Variants in NDUFAF5 observed in about 807,000 individuals in gnomAD.
The protein encoded by NDUFAF5 is NADH:ubiquinone oxidoreductase complex assembly factor 5, also known as arginine-hydroxylase NDUFAF5, mitochondrial.
A neutral mutation model predicts 48.9 loss-of-function variants in NDUFAF5; 34 were observed. That is an observed-to-expected ratio of 0.70 (90% CI 0.53 to 0.93). The LOEUF is 0.93. Ranked by LOEUF, NDUFAF5 falls within the 40% of genes least tolerant of loss-of-function variation. The pLI is 0.00. For synonymous variants in NDUFAF5, 153 were observed against 150.6 expected (o/e 1.02, Z -0.12); for missense variants, 428 against 427.5 (o/e 1.00, Z -0.01).
chr20:13,806,009 A>G lies in NDUFAF5; in HGVS notation c.718-2833A>G, dbSNP rs146537802. Among the ~76,000 whole-genome samples, 21 of 152,336 alleles carry G rather than the reference A, an allele frequency of 1.4e-4. No homozygotes were observed. The East Asian group carries it at 3.5e-3, about 25-fold the overall frequency. ...AAAGCTTTTGTATAATCAGCTATAC[A>G]GGTTTATGTTGCATACATTAGATAT... On this transcript the variant is annotated intron_variant, in intron 7 of 10. Transcript: ENST00000378106.
chr20:13,787,262 G>C, intron 1 of NDUFAF5, 50 bp from the exon 2 acceptor site: 3 of 1,592,492 alleles, frequency 1.9e-6, no homozygotes, highest in Non-Finnish European at 2.6e-6. Flanking sequence ...TTGAATACTG[G>C]AAAAAGAGTG....
intron 9 of NDUFAF5, 162 bp from the exon 10 acceptor site, chr20:13,816,713 C>G: frequency 1.3e-6 from 1 of 760,996 alleles, no homozygotes; most frequent in Non-Finnish European, 2.3e-6. Context: ...ACAGCCTTTA[C>G]TATTTCCTTA....
Position 13,821,550 on chromosome 20 carries a change from G to C in NDUFAF5, c.*4340G>C, listed in dbSNP as rs1442708914. 1 of 152,178 alleles carries C rather than the reference G, an allele frequency of 6.6e-6. No individual in the cohort carries two copies. The highest frequency in any genetic ancestry group is 2.4e-5 in the African/African-American group (1 of 41,434). 9.4% of individuals were successfully genotyped at this position (152,178 alleles called of 1,614,324 possible). ...GCCACTCTCAAATATCTTATCTACA[G>C]AAACTGAGATGATAAATGTTTGTGG... is the stretch of plus-strand genomic sequence containing the variant. On this transcript the variant is annotated 3_prime_UTR_variant, in exon 11 of 11. Coordinates refer to ENST00000378106, the MANE Select transcript of NDUFAF5 (RefSeq NM_024120.5).
intron 9 of NDUFAF5, 123 bp downstream of exon 9, chr20:13,816,669 C>G: frequency 1.2e-6 from 1 of 837,848 alleles, no homozygotes. Flanking sequence ...TCTTGTCCTT[C>G]CTCTCAAAAC....
At chr20:13,816,164 G>A (rs1029201151) in intron 8 of NDUFAF5, 6 of 436,452 alleles carry the variant, frequency 1.4e-5, no homozygotes, top group Non-Finnish European at 2.6e-5. Context: ...TGGGGTGGCA[G>A]TCACCTGGCT....
At chr20:13,790,118 G>A (rs1982032841) in intron 3 of NDUFAF5, among the ~76,000 whole-genome samples, 1 of 152,106 alleles carries the variant, frequency 6.6e-6, no homozygotes, top group African/African-American at 2.4e-5. Flanking sequence ...AGATTAATCT[G>A]GGGATGGCAT....
At chr20:13,793,315 G>A (rs1982627196) in intron 4 of NDUFAF5, 88 bp downstream of exon 4, 2 of 1,208,014 alleles carry the variant, frequency 1.7e-6, no homozygotes, top group East Asian at 2.4e-5. Context: ...CTTCAAACTA[G>A]CTTTCTTTTC....
At position 13,818,187 on chromosome 20, in the gene NDUFAF5, G is replaced by T. The variant is rs1236355972; in HGVS notation, c.*977G>T. On this transcript the variant is annotated 3_prime_UTR_variant, in exon 11 of 11. Transcript: ENST00000378106. ...CAAGCTGTCCATGGGTGGGGGCTGTGTGTTAGCCTGTACGTAGCACATGGG... is the reference window on the plus strand; with the variant it reads ...CAAGCTGTCCATGGGTGGGGGCTGTTTGTTAGCCTGTACGTAGCACATGGG... 1 of 454,080 alleles carries T rather than the reference G, an allele frequency of 2.2e-6. No homozygotes were observed. Among genetic ancestry groups the T allele is most frequent in the Admixed American group, 2.3e-5 (1 of 42,578 alleles). The allele number at this position is 454,080 out of a possible 1,614,324, so 28.1% of individuals were successfully genotyped here.
At chr20:13,796,454 T>C (rs1983232002) in intron 5 of NDUFAF5, among the ~76,000 whole-genome samples, 1 of 152,196 alleles carries the variant, frequency 6.6e-6, no homozygotes, top group Non-Finnish European at 1.5e-5. Context: ...TGATAGAGTT[T>C]ATAGTATGAG....
chr20:13,795,543 G>T (rs1983065642), intron 5 of NDUFAF5, among the ~76,000 whole-genome samples: 1 of 152,160 alleles, frequency 6.6e-6, no homozygotes, highest in Non-Finnish European at 1.5e-5. Context: ...TTCTGGCCAG[G>T]TACAGTGGCT....
intron 1 of NDUFAF5, among the ~76,000 whole-genome samples, chr20:13,786,825 C>G (rs531557982): frequency 1.3e-5 from 2 of 152,144 alleles, no homozygotes; most frequent in Admixed American, 6.5e-5. Context: ...TTCTAACTTG[C>G]GAATGTCACT....
chr20:13,799,660 T>C (rs1003219468), intron 6 of NDUFAF5, among the ~76,000 whole-genome samples: 2 of 150,410 alleles, frequency 1.3e-5, no homozygotes, highest in Non-Finnish European at 3.0e-5. Flanking sequence ...GATCACGCCA[T>C]TGCACTCCAG....
rs1458131461 is a variant in NDUFAF5 at position 13,817,843 on chromosome 20, A to G, written c.*633A>G. On this transcript the variant is annotated 3_prime_UTR_variant, in exon 11 of 11. Transcript: ENST00000378106. ...TTGTTAAGCTTTCCTTTGTAATTTCAGGGCTTAAGCACTATTATCCTAATC... is the reference window on the plus strand; with the variant it reads ...TTGTTAAGCTTTCCTTTGTAATTTCGGGGCTTAAGCACTATTATCCTAATC... 1.5e-5 allele frequency: 7 copies of G among 454,102 alleles called. No individual in the cohort carries two copies. The highest frequency in any genetic ancestry group is 1.4e-4 in the Admixed American group (6 of 42,576). The allele number at this position is 454,102 out of a possible 1,614,324, so 28.1% of individuals were successfully genotyped here. A position where few individuals can be genotyped will look rare whatever the true frequency, so the allele number is the denominator to read the frequency against.
intron 1 of NDUFAF5, among the ~76,000 whole-genome samples, chr20:13,786,542 G>A (rs935754331): frequency 9.2e-5 from 14 of 152,086 alleles, no homozygotes; most frequent in Admixed American, 4.6e-4. Context: ...TAGGAATGAC[G>A]TACAAGGTGG....
intron 8 of NDUFAF5, chr20:13,814,198 A>G (rs1334667855): frequency 2.9e-6 from 1 of 341,146 alleles, no homozygotes; most frequent in African/African-American, 2.2e-5. Flanking sequence ...AATCTTAGCC[A>G]TTCTGCCTTG....
chr20:13,814,154 T>A (rs1986194384), intron 8 of NDUFAF5: 1 of 307,734 alleles, frequency 3.2e-6, no homozygotes, highest in Admixed American at 4.6e-5. Context: ...AGCCAGGATT[T>A]AAACCTAGTC....
chr20:13,790,027 T>G (rs1999112), intron 3 of NDUFAF5, among the ~76,000 whole-genome samples: 3 of 151,968 alleles, frequency 2.0e-5, no homozygotes, highest in Non-Finnish European at 4.4e-5. Flanking sequence ...TGGTGGTTCC[T>G]AGCATTGGAA....
chr20:13,798,906 T>C (rs1983676774), intron 6 of NDUFAF5, among the ~76,000 whole-genome samples: 1 of 152,200 alleles, frequency 6.6e-6, no homozygotes, highest in South Asian at 2.1e-4. Context: ...GATTGACACG[T>C]ATCAATAGAC....
chr20:13,814,224 A>C (rs769340224), intron 8 of NDUFAF5: 3 of 353,786 alleles, frequency 8.5e-6, no homozygotes, highest in Non-Finnish European at 1.1e-5. Flanking sequence ...AGTCAGAGGC[A>C]GATGAGATGG....
Sources: gnomAD v4.1 joint callset for allele counts (sites outside exome capture counted in the v4.1 genomes callset) on GRCh38, gnomAD v4.1.1 for gene constraint, MANE v1.5 for transcripts, NCBI Gene and HGNC (gene_info 2026-07-23, HGNC 2026-07-21) for gene names.